The following HINFP variants were observed in gnomAD, a reference collection of about 807,000 sequenced individuals.
HINFP encodes MBD2 (methyl-CpG-binding protein)-interacting zinc finger protein.
A neutral mutation model predicts 50.1 loss-of-function variants in HINFP; 20 were observed. The observed-to-expected ratio is 0.40, with a 90% CI of 0.28 to 0.58. The LOEUF (loss-of-function observed/expected upper bound fraction) is 0.58, where lower values mean the gene tolerates loss of function less well. Ranked by LOEUF, HINFP falls within the 20% of genes least tolerant of loss-of-function variation. HINFP has a pLI of 0.45. For missense variants in HINFP, 505 were observed against 664.1 expected, an observed-to-expected ratio of 0.76 and a Z score of 2.63; for synonymous variants, 247 against 243.7, an observed-to-expected ratio of 1.01 and a Z score of -0.13.
chr11:119,133,648 T>C (rs529796193), intron 9 of HINFP: 1 of 222,008 alleles, frequency 4.5e-6, no homozygotes, highest in South Asian at 9.7e-5. Flanking sequence ...TCCATTTAGA[T>C]TCAAAGAATC....
intron 1 of HINFP, chr11:119,126,257 G>C (rs1320584091): frequency 6.6e-6 from 1 of 151,622 alleles, no homozygotes; most frequent in African/African-American, 2.4e-5. Flanking sequence ...TCAAGAGGCT[G>C]AGGCAGGAGA....
chr11:119,122,942 G>A (rs1259016374), intron 1 of HINFP, among the ~76,000 whole-genome samples: 1 of 152,104 alleles, frequency 6.6e-6, no homozygotes, highest in East Asian at 1.9e-4. Flanking sequence ...GACCAACATG[G>A]CAAGACCTCG....
Position 119,132,519 on chromosome 11 carries a change from T to A in HINFP, c.700T>A (p.Cys234Ser). Reference protein sequence around the residue: ...LDQQHFQCSHCSKRFATERLL... With the variant: ...LDQQHFQCSHSSKRFATERLL... ...AGAGCAGCACTTCCAGTGTTCTCACTGTTCCAAGAGATTTGCCACAGAGCG... is the reference window on the plus strand; with the variant it reads ...AGAGCAGCACTTCCAGTGTTCTCACAGTTCCAAGAGATTTGCCACAGAGCG... The change falls in exon 6 of 10, where the codon TGT becomes AGT. Residue 234 changes from cysteine (C) to serine (S), a missense_variant. By Grantham distance (112) the Cys-to-Ser change is moderately radical. Transcript: ENST00000350777. 2 of 1,614,194 alleles carry A rather than the reference T, an allele frequency of 1.2e-6. No homozygotes were observed. Among genetic ancestry groups the A allele is most frequent in the Non-Finnish European group, 1.7e-6 (2 of 1,180,026 alleles).
At chr11:119,128,591 G>A (rs1189300300) in intron 2 of HINFP, among the ~76,000 whole-genome samples, 1 of 151,926 alleles carries the variant, frequency 6.6e-6, no homozygotes, top group African/African-American at 2.4e-5. Context: ...GCCTCCCAAA[G>A]TGCTGGGATT....
At chr11:119,127,754 T>C (rs1354228436) in intron 2 of HINFP, among the ~76,000 whole-genome samples, 1 of 152,080 alleles carries the variant, frequency 6.6e-6, no homozygotes, top group Non-Finnish European at 1.5e-5. Context: ...TGTTGCCCAC[T>C]GATCTCAAAC....
At chr11:119,124,336 A>G (rs1044343982) in intron 1 of HINFP, 2 of 151,990 alleles carry the variant, frequency 1.3e-5, no homozygotes, top group African/African-American at 4.8e-5. Flanking sequence ...AGTATTCAGT[A>G]AAGGCCTTTT....
chr11:119,129,685 C>T (rs970144424), intron 2 of HINFP, among the ~76,000 whole-genome samples: 2 of 151,458 alleles, frequency 1.3e-5, no homozygotes, highest in Non-Finnish European at 2.9e-5. Flanking sequence ...AGGATGGTCT[C>T]GATCTCCTGA....
intron 6 of HINFP, 40 bp downstream of exon 6, chr11:119,132,613 A>G: frequency 1.2e-6 from 2 of 1,614,038 alleles, no homozygotes; most frequent in East Asian, 2.2e-5. Flanking sequence ...CCTGCCCTCC[A>G]AGGTTCCACA....
rs1947699904 is a variant in HINFP, at chr11:119,130,658, C to T, written c.182-67C>T. Reference sequence around the variant, plus strand: ...CAGCCTCCTCACTCTCTGTTTAGTGCTGCAGGTGGAAGGTGACCTGAGCCT... The same window carrying T: ...CAGCCTCCTCACTCTCTGTTTAGTGTTGCAGGTGGAAGGTGACCTGAGCCT... On this transcript the variant is annotated intron_variant, in intron 2 of 9. Coordinates refer to ENST00000350777, the MANE Select transcript of HINFP (RefSeq NM_198971.3). 5 of 1,389,420 alleles carry T rather than the reference C, an allele frequency of 3.6e-6. No homozygotes were observed. In the East Asian group the frequency reaches 9.2e-5, roughly 25 times the overall value. The allele number at this position is 1,389,420 out of a possible 1,614,324, so 86.1% of individuals were successfully genotyped here.
At chr11:119,130,980 G>A in intron 3 of HINFP, 26 bp downstream of exon 3, 1 of 1,594,332 alleles carries the variant, frequency 6.3e-7, no homozygotes, top group Non-Finnish European at 8.6e-7. Flanking sequence ...CAGTAATTGG[G>A]GTGGAAGGAA....
chr11:119,122,147 C>G (rs952535408), intron 1 of HINFP: 1 of 152,284 alleles, frequency 6.6e-6, no homozygotes, highest in Admixed American at 6.5e-5. Context: ...AGTATATGCC[C>G]TCTTAAGTGT....
At chr11:119,133,854 C>T in intron 9 of HINFP, 1 of 602,990 alleles carries the variant, frequency 1.7e-6, no homozygotes, top group Non-Finnish European at 2.9e-6. Context: ...CAGTCAGTCT[C>T]TGTTTTTCTG....
Position 119,131,625 on chromosome 11 carries a change from G to C in HINFP, c.502G>C (p.Val168Leu). ...EYEAVGKDNPVVLCGWKGCTC... is the reference protein window; with the variant it reads ...EYEAVGKDNPLVLCGWKGCTC... ...CGAAGCAGTCGGCAAGGACAACCCG[G>C]TGGTGCTGTGTGGCTGGAAAGGTAG... The change falls in exon 4 of 10, where the codon GTG becomes CTG. Residue 168 changes from valine to leucine, a missense_variant. Physicochemically the swap from Val to Leu is conservative, Grantham distance 32 (BLOSUM62 1). Coordinates refer to ENST00000350777, the MANE Select transcript of HINFP (RefSeq NM_198971.3). The surrounding 1 kb of genome is among the most constrained non-coding windows in gnomAD (Gnocchi z 4.2). The C allele has an allele frequency of 6.2e-7, 1 of 1,614,058 alleles. No homozygotes were observed. The highest frequency in any genetic ancestry group is 8.5e-7 in the Non-Finnish European group (1 of 1,179,886).
intron 9 of HINFP, chr11:119,133,514 G>A (rs562343333): frequency 5.1e-5 from 18 of 355,284 alleles, no homozygotes; most frequent in African/African-American, 3.5e-4. Context: ...AGAAGGCGGA[G>A]GTTGTAGTGA....
At chr11:119,124,586 A>T (rs1565787687) in intron 1 of HINFP, 1 of 152,152 alleles carries the variant, frequency 6.6e-6, no homozygotes, top group Non-Finnish European at 1.5e-5. Context: ...TGGGGTGCTG[A>T]GTTAAAAGGG....
chr11:119,122,560 G>A (rs1234748539), intron 1 of HINFP, among the ~76,000 whole-genome samples: 1 of 152,208 alleles, frequency 6.6e-6, no homozygotes, highest in Admixed American at 6.5e-5. Context: ...GGTAGTTTAG[G>A]AAGGCTTCCC....
rs770420899 is a variant in HINFP at position 119,127,020 on chromosome 11, T to C, written c.76T>C (p.Cys26Arg). ...QCEWGSCSFVCSTMEKFFEHV... is the reference protein window; with the variant it reads ...QCEWGSCSFVRSTMEKFFEHV... ...TGAGTGGGGGTCCTGCTCCTTTGTG[T>C]GCTCAACCATGGAAAAGTTCTTTGA... Residue 26 changes from cysteine (C) to arginine (R), a missense_variant, in exon 2 of 10, where the codon TGC (cysteine) becomes CGC (arginine). Coordinates refer to ENST00000350777, the MANE Select transcript of HINFP (RefSeq NM_198971.3). 3.1e-6 allele frequency: 5 copies of C among 1,614,070 alleles called. No homozygotes were observed. The highest frequency in any genetic ancestry group is 1.3e-5 in the African/African-American group (1 of 74,934).
At chr11:119,123,044 C>T (rs953585186) in intron 1 of HINFP, among the ~76,000 whole-genome samples, 8 of 138,226 alleles carry the variant, frequency 5.8e-5, no homozygotes, top group African/African-American at 1.9e-4. Context: ...ACGAGAATCG[C>T]TTGAACCTGG....
Position 119,134,121 on chromosome 11 carries a change from C to T in HINFP, c.1177C>T (p.Leu393=), listed in dbSNP as rs908161211. ...TGAAGATGGCTATATGCGGCTGCAG[C>T]TGGTTCGCTACGAGAGTGTAGAGCT... The part of the protein sequence containing the change: ...EHEDGYMRLQ[L]VRYESVELTQ... The change falls in exon 10 of 10, where the codon CTG becomes TTG. Residue 393 remains leucine (L), a synonymous_variant. Coordinates refer to ENST00000350777, the MANE Select transcript of HINFP (RefSeq NM_198971.3). This position sits in a 1 kb window ranked among gnomAD's most constrained non-coding sequence, Gnocchi z 4.3. 2 of 1,614,196 alleles carry T rather than the reference C, an allele frequency of 1.2e-6. No individual in the cohort carries two copies. The highest frequency in any genetic ancestry group is 1.1e-5 in the South Asian group (1 of 91,086).
Sources: gnomAD v4.1 joint callset for allele counts (sites outside exome capture counted in the v4.1 genomes callset) on GRCh38, gnomAD v4.1.1 for gene constraint, Gnocchi (gnomAD v3.1) non-coding constraint, MANE v1.5 for transcripts, NCBI Gene and HGNC (gene_info 2026-07-23, HGNC 2026-07-21) for gene names.